Variants in CDC25C observed in about 807,000 individuals in gnomAD.
CDC25C encodes the protein M-phase inducer phosphatase 3.
CDC25C carries 48 observed loss-of-function variants against 52.5 expected under a neutral mutation model. The observed-to-expected ratio is 0.91, with a 90% CI of 0.72 to 1.16. CDC25C has a LOEUF of 1.16. Among genes scored for constraint, CDC25C ranks in the 50% most tolerant of loss-of-function variants. The pLI is 0.00. For synonymous variants in CDC25C, 187 were observed against 206.5 expected (o/e 0.91, Z 0.81); for missense variants, 510 against 566.1 (o/e 0.90, Z 1.01).
chr5:138,331,074 T>C lies in CDC25C; in HGVS notation c.107A>G (p.Asp36Gly), dbSNP rs1760336009. 1.9e-6 allele frequency: 3 copies of C among 1,614,092 alleles called. No homozygotes were observed. Among genetic ancestry groups the C allele is most frequent in the African/African-American group, 2.7e-5 (2 of 75,026 alleles). ...RKMLNLLLER[D>G]TSFTVCPDVP... ...ATCTGGACAGACGGTAAAGGAAGTG[T>C]CTCTCTCCAGGAGCAGGTTTAACAT... is the stretch of plus-strand genomic sequence containing the variant. Residue 36 changes from aspartate (D) to glycine (G), a missense_variant, in exon 2 of 14, where the codon GAC (aspartate) becomes GGC (glycine). By Grantham distance (94) the Asp-to-Gly change is moderately conservative (BLOSUM62 -1). Transcript: ENST00000323760.
chr5:138,303,389 C>T (rs926768504), intron 7 of CDC25C, among the ~76,000 whole-genome samples: 4 of 152,108 alleles, frequency 2.6e-5, no homozygotes, highest in Admixed American at 2.0e-4. Context: ...CCATCTGACT[C>T]GGTTTTTGCA....
chr5:138,335,111 A>C (rs1271106446), upstream of CDC25C: 2 of 152,200 alleles, frequency 1.3e-5, no homozygotes, highest in Non-Finnish European at 2.9e-5. Context: ...CCCGGGCTTC[A>C]CCCTGAAACA....
upstream of CDC25C, chr5:138,333,600 A>G (rs1760542344): frequency 6.6e-6 from 1 of 152,244 alleles, no homozygotes. Context: ...CGACTACAGT[A>G]TAATCACACT....
At chr5:138,328,552 A>G (rs11567968) in intron 3 of CDC25C, 23 bp from the exon 4 acceptor site, 280,296 of 1,596,806 alleles carry the variant, frequency 0.18, 26,804 homozygotes, top group South Asian at 0.24. Context: ...ATAAAGAATC[A>G]GTAAAAGGAG....
At chr5:138,294,940 T>C (rs1448005043) in intron 7 of CDC25C, among the ~76,000 whole-genome samples, 1 of 152,250 alleles carries the variant, frequency 6.6e-6, no homozygotes, top group African/African-American at 2.4e-5. Flanking sequence ...TGAGCCACTG[T>C]GCCAGGCCTT....
chr5:138,327,492 C>T (rs1475420794), intron 4 of CDC25C, among the ~76,000 whole-genome samples: 5 of 151,504 alleles, frequency 3.3e-5, no homozygotes, highest in Non-Finnish European at 4.4e-5. Flanking sequence ...AAAAATTAGC[C>T]GGGCGTGGTG....
At chr5:138,330,324 A>G (rs928024866) in intron 2 of CDC25C, among the ~76,000 whole-genome samples, 4 of 151,934 alleles carry the variant, frequency 2.6e-5, no homozygotes, top group African/African-American at 9.7e-5. Context: ...CTCAGGTACT[A>G]CTTCTCTTTG....
chr5:138,313,448 A>T (rs1758613191), intron 7 of CDC25C, among the ~76,000 whole-genome samples: 1 of 151,800 alleles, frequency 6.6e-6, no homozygotes, highest in Non-Finnish European at 1.5e-5. Context: ...AGAGATGGGT[A>T]AGTACACTCA....
intron 6 of CDC25C, among the ~76,000 whole-genome samples, chr5:138,320,206 G>A (rs909554911): frequency 6.6e-6 from 1 of 152,116 alleles, no homozygotes; most frequent in Non-Finnish European, 1.5e-5. Flanking sequence ...TTGGGAGGCT[G>A]AGGCAGGAGA....
intron 7 of CDC25C, among the ~76,000 whole-genome samples, chr5:138,296,463 C>T (rs1013977329): frequency 6.6e-6 from 1 of 151,548 alleles, no homozygotes; most frequent in South Asian, 2.1e-4. Flanking sequence ...CAGTTTAGAG[C>T]GAAATGGCGT....
At position 138,327,067 on chromosome 5, in the gene CDC25C, C is replaced by T. The variant is rs191007665; in HGVS notation, c.336-1013G>A. 2.6e-5 allele frequency among the ~76,000 whole-genome samples: 4 copies of T among 151,012 alleles called. No homozygotes were observed. The East Asian group carries it at 5.9e-4, about 22-fold the overall frequency. On this transcript the variant is annotated intron_variant, in intron 4 of 13. Transcript: ENST00000323760. ...GTCAAGAGATAGAGACCGTCCTGGC[C>T]AACATGGTGAAACCCTGTCTCTACT...
At chr5:138,293,093 T>C (rs142308423) in intron 7 of CDC25C, among the ~76,000 whole-genome samples, 2 of 152,328 alleles carry the variant, frequency 1.3e-5, no homozygotes, top group Non-Finnish European at 2.9e-5. Context: ...GATATTATGT[T>C]GTTTATCACA....
intron 6 of CDC25C, among the ~76,000 whole-genome samples, chr5:138,321,324 C>T (rs1759366685): frequency 6.6e-6 from 1 of 151,976 alleles, no homozygotes; most frequent in African/African-American, 2.4e-5. Flanking sequence ...AGACTGCACA[C>T]TCACAAATAG....
chr5:138,304,527 G>A (rs1382905649), intron 7 of CDC25C, among the ~76,000 whole-genome samples: 1 of 142,820 alleles, frequency 7.0e-6, no homozygotes, highest in Non-Finnish European at 1.5e-5. Context: ...CCTTTTTGAG[G>A]CAGGGTCTCC....
chr5:138,308,131 A>C (rs1482196295), intron 7 of CDC25C, among the ~76,000 whole-genome samples: 1 of 152,146 alleles, frequency 6.6e-6, no homozygotes, highest in African/African-American at 2.4e-5. Flanking sequence ...CCGGTTCCTA[A>C]CAGGCCATGG....
rs1179693206 is a variant in CDC25C at position 138,319,258 on chromosome 5, A to T, written c.576T>A (p.Asp192Glu). The T allele has an allele frequency of 6.2e-7, 1 of 1,613,544 alleles. No individual in the cohort carries two copies. Among genetic ancestry groups the T allele is most frequent in the Non-Finnish European group, 8.5e-7 (1 of 1,179,794 alleles). The change falls in exon 7 of 14, where the codon GAT (aspartate) becomes GAA (glutamate). Residue 192 changes from aspartate (D) to glutamate (E), a missense_variant. Asp to Glu is a conservative substitution (Grantham distance 45). Transcript: ENST00000323760. ...CTTTCAGGGAAAACTCCATTAATTCATCTGAAATCTCTTCTGCCTGGTCTT... is the reference window on the plus strand; with the variant it reads ...CTTTCAGGGAAAACTCCATTAATTCTTCTGAAATCTCTTCTGCCTGGTCTT... Reference protein sequence around the residue: ...LGEDQAEEISDELMEFSLKDQ... With the variant: ...LGEDQAEEISEELMEFSLKDQ...
At chr5:138,287,144 A>G (rs978798592) in intron 11 of CDC25C, 25 bp downstream of exon 11, 3 of 1,510,506 alleles carry the variant, frequency 2.0e-6, no homozygotes, top group Non-Finnish European at 2.8e-6. Flanking sequence ...GCCCTCCCCT[A>G]CTAATGGCCA....
At chr5:138,291,239 G>C (rs1378345508) in intron 8 of CDC25C, among the ~76,000 whole-genome samples, 2 of 151,492 alleles carry the variant, frequency 1.3e-5, no homozygotes, top group Non-Finnish European at 2.9e-5. Flanking sequence ...AGTTGGGGAG[G>C]GTAAAGGACA....
chr5:138,328,452 T>C (rs746488013), intron 4 of CDC25C, 32 bp downstream of exon 4: 2 of 1,607,976 alleles, frequency 1.2e-6, no homozygotes, highest in South Asian at 1.1e-5. Context: ...TAAAAGGCTT[T>C]TGTGTGGGGT....
Sources: gnomAD v4.1 joint callset for allele counts (sites outside exome capture counted in the v4.1 genomes callset) on GRCh38, gnomAD v4.1.1 for gene constraint, MANE v1.5 for transcripts, NCBI Gene and HGNC (gene_info 2026-07-23, HGNC 2026-07-21) for gene names.